NXPH2: variants seen among roughly 807,000 people sequenced by gnomAD.
The protein encoded by NXPH2 is neurexophilin-2.
Under a neutral mutation model 19.8 loss-of-function variants are expected in NXPH2, and 5 were observed. That is an observed-to-expected ratio of 0.25 (90% CI 0.13 to 0.53). NXPH2 has a LOEUF of 0.53. Among genes scored for constraint, NXPH2 ranks in the 20% least tolerant of loss-of-function variants. NXPH2 has a pLI of 0.96. For missense variants in NXPH2, 289 were observed against 322.8 expected (o/e 0.90, Z 0.80); for synonymous variants, 154 against 127.4 (o/e 1.21, Z -1.41).
At chr2:138,696,346 A>G (rs1259153428) in intron 1 of NXPH2, among the ~76,000 whole-genome samples, 1 of 152,228 alleles carries the variant, frequency 6.6e-6, no homozygotes. Flanking sequence ...TTATCTGACA[A>G]AGGTCTTATA....
intron 1 of NXPH2, among the ~76,000 whole-genome samples, chr2:138,687,520 A>C (rs1680679572): frequency 6.6e-6 from 1 of 152,072 alleles, no homozygotes; most frequent in African/African-American, 2.4e-5. Flanking sequence ...CTCTGATGGT[A>C]GTTTCTTTTG....
rs375015264 is a variant in NXPH2 at position 138,777,976 on chromosome 2, A to G, written c.51+2215T>C. 9.2e-5 allele frequency among the ~76,000 whole-genome samples: 14 copies of G among 152,276 alleles called. 1 individual carries two copies. The South Asian group carries it at 2.9e-3, about 32-fold the overall frequency. On this transcript the variant is annotated intron_variant, in intron 1 of 1. Coordinates refer to ENST00000272641, the MANE Select transcript of NXPH2 (RefSeq NM_007226.3). ...TGTTAGGATTTAACAAAGAAGTTCA[A>G]TATCAGCTGAAAAAGGTAGAACAAA...
chr2:138,738,488 T>C (rs1302947894), intron 1 of NXPH2, among the ~76,000 whole-genome samples: 1 of 152,146 alleles, frequency 6.6e-6, no homozygotes, highest in Non-Finnish European at 1.5e-5. Context: ...CATCAATCCA[T>C]TAGGATAAAA....
intron 1 of NXPH2, among the ~76,000 whole-genome samples, chr2:138,682,665 G>A (rs1027280319): frequency 1.4e-4 from 22 of 152,044 alleles, no homozygotes; most frequent in African/African-American, 4.6e-4. Flanking sequence ...TACCCTTTAC[G>A]TTATTCTAAA....
Position 138,670,681 on chromosome 2 carries a change from G to T in NXPH2, c.*241C>A, listed in dbSNP as rs181768323. 10 of 375,714 alleles carry T rather than the reference G, an allele frequency of 2.7e-5. No homozygotes were observed. In the East Asian group the frequency reaches 3.8e-4, roughly 14 times the overall value. The allele number at this position is 375,714 out of a possible 1,614,324, so 23.3% of individuals were successfully genotyped here. ...AAGATTTCTAGAACTTAGTCATCTT[G>T]CATGAAAGTGATGGTTTCATAAACA... is the stretch of plus-strand genomic sequence containing the variant. On this transcript the variant is annotated 3_prime_UTR_variant, in exon 2 of 2. Coordinates refer to ENST00000272641, the MANE Select transcript of NXPH2 (RefSeq NM_007226.3).
At chr2:138,681,810 T>C (rs572882007) in intron 1 of NXPH2, among the ~76,000 whole-genome samples, 9 of 152,214 alleles carry the variant, frequency 5.9e-5, no homozygotes, top group Non-Finnish European at 1.3e-4. Context: ...TGATGACCAT[T>C]GCTAAGTGCA....
chr2:138,758,799 A>T (rs1573980585), intron 1 of NXPH2, among the ~76,000 whole-genome samples: 1 of 152,316 alleles, frequency 6.6e-6, no homozygotes, highest in Admixed American at 6.5e-5. Flanking sequence ...CACCAAAAAC[A>T]CCAGCAAAAA....
At chr2:138,709,016 A>C (rs1037317730) in intron 1 of NXPH2, among the ~76,000 whole-genome samples, 1 of 152,222 alleles carries the variant, frequency 6.6e-6, no homozygotes, top group African/African-American at 2.4e-5. Context: ...TCTACCAAAC[A>C]AAAAGCTTCA....
rs371162223 is a variant in NXPH2 at position 138,776,792 on chromosome 2, A to G, written c.51+3399T>C. ...TGTAAGTACAGAAGAAGAAATAAAT[A>G]GAATCATCAGACTAAACAAATATTA... On this transcript the variant is annotated intron_variant, in intron 1 of 1. Coordinates refer to ENST00000272641, the MANE Select transcript of NXPH2 (RefSeq NM_007226.3). Among the ~76,000 whole-genome samples, 19 of 152,178 alleles carry G rather than the reference A, an allele frequency of 1.2e-4. No individual in the cohort carries two copies. The South Asian group carries it at 2.3e-3, about 18-fold the overall frequency.
chr2:138,710,314 A>G (rs888116646), intron 1 of NXPH2, among the ~76,000 whole-genome samples: 3 of 152,158 alleles, frequency 2.0e-5, no homozygotes, highest in Non-Finnish European at 4.4e-5. Flanking sequence ...TCACCTCTTG[A>G]TGAATACTTG....
chr2:138,724,399 G>T (rs1204007476), intron 1 of NXPH2, among the ~76,000 whole-genome samples: 3 of 152,242 alleles, frequency 2.0e-5, no homozygotes, highest in African/African-American at 7.2e-5. Flanking sequence ...GCTATGGGAA[G>T]TAATGAACTC....
chr2:138,744,068 G>A (rs1573974776), intron 1 of NXPH2, among the ~76,000 whole-genome samples: 1 of 145,026 alleles, frequency 6.9e-6, no homozygotes, highest in South Asian at 2.3e-4. Flanking sequence ...ATTTTACTTT[G>A]TCTTTAAATA....
chr2:138,696,948 A>G (rs990779159), intron 1 of NXPH2, among the ~76,000 whole-genome samples: 22 of 152,284 alleles, frequency 1.4e-4, no homozygotes, highest in African/African-American at 5.3e-4. Flanking sequence ...TAGTAAACCT[A>G]TCAGATAAAA....
chr2:138,776,350 C>T (rs148292097), intron 1 of NXPH2, among the ~76,000 whole-genome samples: 14 of 152,092 alleles, frequency 9.2e-5, no homozygotes, highest in African/African-American at 3.4e-4. Context: ...GAAAGCTTTT[C>T]TTTTCCATTC....
At chr2:138,777,452 G>C (rs530925746) in intron 1 of NXPH2, among the ~76,000 whole-genome samples, 4 of 152,062 alleles carry the variant, frequency 2.6e-5, no homozygotes, top group Non-Finnish European at 4.4e-5. Context: ...GGCAAGGACA[G>C]GTAAGAGACA....
At chr2:138,740,685 C>G (rs1251802857) in intron 1 of NXPH2, among the ~76,000 whole-genome samples, 2 of 152,056 alleles carry the variant, frequency 1.3e-5, no homozygotes, top group Non-Finnish European at 2.9e-5. Flanking sequence ...GAGAGACAAA[C>G]TCACTCATGT....
chr2:138,702,139 C>T (rs907406616), intron 1 of NXPH2, among the ~76,000 whole-genome samples: 14 of 151,938 alleles, frequency 9.2e-5, no homozygotes, highest in African/African-American at 2.9e-4. Flanking sequence ...TTCTTTCTTA[C>T]AGGGTCTCTC....
chr2:138,706,729 T>C (rs190256880), intron 1 of NXPH2, among the ~76,000 whole-genome samples: 26 of 152,008 alleles, frequency 1.7e-4, no homozygotes, highest in Admixed American at 3.3e-4. Flanking sequence ...CTGGGCAACA[T>C]AGAAAGACTT....
chr2:138,677,332 T>G (rs2104966732), intron 1 of NXPH2, among the ~76,000 whole-genome samples: 1 of 152,332 alleles, frequency 6.6e-6, no homozygotes, highest in South Asian at 2.1e-4. Context: ...CTTTATCTGT[T>G]TGAACATTCC....
Sources: allele counts gnomAD v4.1 joint callset (sites outside exome capture counted in the v4.1 genomes callset), GRCh38; gene constraint gnomAD v4.1.1; transcripts MANE v1.5; gene names NCBI Gene and HGNC (gene_info 2026-07-23, HGNC 2026-07-21).